Variants in GRIK2 observed in about 807,000 individuals in gnomAD.
GRIK2 encodes glutamate receptor ionotropic, kainate 2.
GRIK2 carries 32 observed loss-of-function variants against 100.3 expected under a neutral mutation model. That is an observed-to-expected ratio of 0.32 (90% CI 0.24 to 0.43). GRIK2 has a LOEUF of 0.43. GRIK2 is among the 20% of genes least tolerant of loss of function. The probability of loss-of-function intolerance (pLI) is 1.00; values close to 1 mark genes in which losing one functional copy is unlikely to be tolerated. For missense variants in GRIK2, 843 were observed against 1,114.9 expected (o/e 0.76, Z 3.47); for synonymous variants, 417 against 389.4 (o/e 1.07, Z -0.83).
At chr6:101,899,849 GGTAA>G (rs1350795368) in intron 12 of GRIK2, among the ~76,000 whole-genome samples, 4 of 152,098 alleles carry the variant, frequency 2.6e-5, no homozygotes, top group Non-Finnish European at 4.4e-5. Context: ...AATAAAATTA[GGTAA>G]GTGTTTCCCT....
At chr6:101,621,766 T>C (rs1324725245) in intron 2 of GRIK2, among the ~76,000 whole-genome samples, 183 bp from the exon 3 acceptor site, 1 of 152,048 alleles carries the variant, frequency 6.6e-6, no homozygotes, top group African/African-American at 2.4e-5. Flanking sequence ...GTTCATAAAG[T>C]AAGCACACAC....
At chr6:101,658,961 C>T (rs1248065485) in intron 4 of GRIK2, among the ~76,000 whole-genome samples, 1 of 152,110 alleles carries the variant, frequency 6.6e-6, no homozygotes, top group African/African-American at 2.4e-5. Context: ...AAAATTTTCT[C>T]CCATTCTATA....
chr6:101,568,187 A>G (rs1004343476), intron 2 of GRIK2, among the ~76,000 whole-genome samples: 2 of 151,928 alleles, frequency 1.3e-5, no homozygotes, highest in African/African-American at 2.4e-5. Context: ...ACTATTTCAC[A>G]TCATTTTTTC....
intron 9 of GRIK2, among the ~76,000 whole-genome samples, chr6:101,808,989 T>G (rs1781167997): frequency 6.6e-6 from 1 of 151,362 alleles, no homozygotes; most frequent in African/African-American, 2.4e-5. Flanking sequence ...AATATAAATA[T>G]AAAAATAATT....
chr6:102,064,036 G>T (rs374187512), intron 16 of GRIK2: 1 of 1,454,878 alleles, frequency 6.9e-7, no homozygotes, highest in Non-Finnish European at 9.6e-7. Context: ...ACTAAAAGAG[G>T]TTTTTAATAA....
At chr6:102,063,683 A>T (rs143922943) in intron 16 of GRIK2, among the ~76,000 whole-genome samples, 4 of 150,406 alleles carry the variant, frequency 2.7e-5, no homozygotes, top group Non-Finnish European at 6.0e-5. Flanking sequence ...ATCAACAATG[A>T]TATTCTTGAA....
At chr6:101,848,614 T>G (rs1400266389) in intron 10 of GRIK2, among the ~76,000 whole-genome samples, 1 of 152,116 alleles carries the variant, frequency 6.6e-6, no homozygotes, top group African/African-American at 2.4e-5. Flanking sequence ...AAATAAAAAT[T>G]TAGAAAATCA....
intron 6 of GRIK2, among the ~76,000 whole-genome samples, chr6:101,683,568 C>A (rs1004238033): frequency 6.6e-6 from 1 of 152,142 alleles, no homozygotes. Context: ...ATTCTTTCTT[C>A]CACATGTCCC....
At chr6:101,694,906 G>T (rs1239057733) in intron 7 of GRIK2, among the ~76,000 whole-genome samples, 2 of 150,654 alleles carry the variant, frequency 1.3e-5, no homozygotes, top group Middle Eastern at 3.5e-3. Context: ...AAATACCTTG[G>T]CCTCATCCCA....
intron 7 of GRIK2, among the ~76,000 whole-genome samples, chr6:101,707,690 C>G (rs895914029): frequency 6.7e-5 from 10 of 149,808 alleles, no homozygotes; most frequent in Non-Finnish European, 1.0e-4. Flanking sequence ...TGACAAGGCA[C>G]TCATACTCAG....
At chr6:101,663,309 G>A (rs9485526) in intron 4 of GRIK2, among the ~76,000 whole-genome samples, 111,128 of 151,932 alleles carry the variant, frequency 0.73, 41,108 homozygotes, top group African/African-American at 0.78. Context: ...CTAATCAGCC[G>A]CTGTCTGGAG....
At chr6:101,528,361 C>T (rs1775255245) in intron 2 of GRIK2, among the ~76,000 whole-genome samples, 1 of 151,952 alleles carries the variant, frequency 6.6e-6, no homozygotes, top group African/African-American at 2.4e-5. Context: ...TTTAATATTT[C>T]CACAGCCAAG....
intron 16 of GRIK2, among the ~76,000 whole-genome samples, chr6:102,064,452 C>G (rs894757191): frequency 1.3e-5 from 2 of 148,948 alleles, no homozygotes; most frequent in Non-Finnish European, 3.0e-5. Flanking sequence ...ATCTTTCTTT[C>G]TCTCTTTCCC....
chr6:102,062,155 G>C (rs1771785321), intron 16 of GRIK2, among the ~76,000 whole-genome samples: 1 of 150,090 alleles, frequency 6.7e-6, no homozygotes, highest in Non-Finnish European at 1.5e-5. Context: ...TAGAGTAAAG[G>C]TTTCTGAGAA....
intron 2 of GRIK2, among the ~76,000 whole-genome samples, chr6:101,566,285 G>A (rs1777273246): frequency 6.6e-6 from 1 of 151,860 alleles, no homozygotes; most frequent in South Asian, 2.1e-4. Flanking sequence ...TGTATATTTT[G>A]AAATCTTAAG....
chr6:101,409,154 A>G (rs1472460826), intron 2 of GRIK2, among the ~76,000 whole-genome samples: 1 of 141,132 alleles, frequency 7.1e-6, no homozygotes, highest in East Asian at 2.1e-4. Context: ...GTGTGTGTGT[A>G]CAGTTAAGAT....
At chr6:101,939,120 A>G (rs1790792457) in intron 14 of GRIK2, among the ~76,000 whole-genome samples, 1 of 152,050 alleles carries the variant, frequency 6.6e-6, no homozygotes, top group Non-Finnish European at 1.5e-5. Context: ...ATAAAAGCCA[A>G]AGAATTGGGA....
At chr6:101,841,098 CTGACCT>C (rs141066608) in intron 10 of GRIK2, among the ~76,000 whole-genome samples, 3,760 of 152,172 alleles carry the variant, frequency 0.025, 166 homozygotes, top group African/African-American at 0.085. Flanking sequence ...ATGATACTCC[CTGACCT>C]TGAAGAGAAA....
At chr6:101,604,481 A>G (rs1363848753) in intron 2 of GRIK2, among the ~76,000 whole-genome samples, 1 of 151,904 alleles carries the variant, frequency 6.6e-6, no homozygotes, top group Non-Finnish European at 1.5e-5. Flanking sequence ...ACGATCTATA[A>G]TTAAGTGATG....
Sources: gnomAD v4.1 joint callset for allele counts (sites outside exome capture counted in the v4.1 genomes callset) on GRCh38, gnomAD v4.1.1 for gene constraint, MANE v1.5 for transcripts, NCBI Gene and HGNC (gene_info 2026-07-23, HGNC 2026-07-21) for gene names.